The following RNF144B variants were observed in gnomAD, a reference collection of about 807,000 sequenced individuals.
The protein encoded by RNF144B is E3 ubiquitin-protein ligase RNF144B.
A neutral mutation model predicts 40.2 loss-of-function variants in RNF144B; 25 were observed. That is an observed-to-expected ratio of 0.62 (90% confidence interval 0.45 to 0.87). The LOEUF (loss-of-function observed/expected upper bound fraction) is 0.87, where lower values mean the gene tolerates loss of function less well. RNF144B is among the 40% of genes least tolerant of loss of function. RNF144B has a pLI of 0.00. For synonymous variants in RNF144B, 145 were observed against 136.3 expected, an observed-to-expected ratio of 1.06 and a Z score of -0.44; for missense variants, 365 against 373.7, an observed-to-expected ratio of 0.98 and a Z score of 0.19.
At chr6:18,452,051 C>A (rs1759219658) in intron 4 of RNF144B, among the ~76,000 whole-genome samples, 1 of 152,094 alleles carries the variant, frequency 6.6e-6, no homozygotes, top group Non-Finnish European at 1.5e-5. Context: ...ATATGCTGTG[C>A]ACATCTGTTG....
At chr6:18,445,639 A>G (rs759846370) in intron 4 of RNF144B, among the ~76,000 whole-genome samples, 7 of 152,160 alleles carry the variant, frequency 4.6e-5, no homozygotes, top group African/African-American at 1.4e-4. Flanking sequence ...AATCATGTAT[A>G]GTAATATAAA....
At chr6:18,449,058 G>A (rs1399003433) in intron 4 of RNF144B, among the ~76,000 whole-genome samples, 1 of 152,092 alleles carries the variant, frequency 6.6e-6, no homozygotes, top group Admixed American at 6.6e-5. Flanking sequence ...TGTGTTAGAT[G>A]GTTTCTATAG....
intron 2 of RNF144B, among the ~76,000 whole-genome samples, chr6:18,420,487 G>C (rs917744499): frequency 1.2e-4 from 19 of 152,076 alleles, no homozygotes; most frequent in African/African-American, 4.3e-4. Flanking sequence ...TATAGAGGAG[G>C]CAGGCAAGTT....
At position 18,468,851 on chromosome 6, in the gene RNF144B, C is replaced by T. The variant is rs1759626251; in HGVS notation, c.*3784C>T. 2 of 152,192 alleles carry T rather than the reference C, an allele frequency of 1.3e-5. No individual in the cohort carries two copies. Among genetic ancestry groups the T allele is most frequent in the African/African-American group, 4.8e-5 (2 of 41,438 alleles). The allele number at this position is 152,192 out of a possible 1,614,324, so 9.4% of individuals were successfully genotyped here. ...AATAGCTGTTTAGGCTCTCTAGCCACAATAAATGTAAGCAGGAAATCAAGT... is the reference window on the plus strand; with the variant it reads ...AATAGCTGTTTAGGCTCTCTAGCCATAATAAATGTAAGCAGGAAATCAAGT... On this transcript the variant is annotated 3_prime_UTR_variant, in exon 8 of 8. Coordinates refer to ENST00000259939, the MANE Select transcript of RNF144B (RefSeq NM_182757.4).
In RNF144B at chr6:18,458,348, G is replaced by C. The variant is rs777019327; in HGVS notation, c.536+989G>C. Among the ~76,000 whole-genome samples, 6 of 152,128 alleles carry C rather than the reference G, an allele frequency of 3.9e-5. No homozygotes were observed. The highest frequency in any genetic ancestry group is 1.4e-4 in the African/African-American group (6 of 41,416). ...TTCTGCATCAGCAAGAACAAAATACGAGTGTTGTAATCCCATTGGCTTAAT... is the reference window on the plus strand; with the variant it reads ...TTCTGCATCAGCAAGAACAAAATACCAGTGTTGTAATCCCATTGGCTTAAT... On this transcript the variant is annotated intron_variant, in intron 5 of 7. Transcript: ENST00000259939. This position sits in a 1 kb window ranked among gnomAD's most constrained non-coding sequence, Gnocchi z 4.8.
rs1759179760 is a variant in RNF144B at position 18,450,136 on chromosome 6, G to T, written c.332-7019G>T. ...TTGGTTTCTCCTCTTTTTGTGCTGT[G>T]CAAATTCTGCACTTTCCCAGACTTG... On this transcript the variant is annotated intron_variant, in intron 4 of 7. Transcript: ENST00000259939. This position sits in a 1 kb window ranked among gnomAD's most constrained non-coding sequence, Gnocchi z 4.7. 6.6e-6 allele frequency among the ~76,000 whole-genome samples: 1 copy of T among 152,136 alleles called. No individual in the cohort carries two copies. The highest frequency in any genetic ancestry group is 1.5e-5 in the Non-Finnish European group (1 of 68,026).
At chr6:18,417,481 G>C (rs940733644) in intron 2 of RNF144B, among the ~76,000 whole-genome samples, 5 of 152,130 alleles carry the variant, frequency 3.3e-5, no homozygotes, top group African/African-American at 1.2e-4. Context: ...AAAGAGGAAA[G>C]AAATGTTTTT....
intron 2 of RNF144B, among the ~76,000 whole-genome samples, chr6:18,420,110 T>C (rs1795226713): frequency 6.6e-6 from 1 of 151,856 alleles, no homozygotes; most frequent in South Asian, 2.1e-4. Flanking sequence ...GAGTATCCCC[T>C]ATCTCCTTAT....
intron 6 of RNF144B, 97 bp from the exon 7 acceptor site, chr6:18,463,194 A>T: frequency 1.3e-6 from 1 of 755,658 alleles, no homozygotes. Flanking sequence ...ATCACCAGAG[A>T]AAAACTTTGC....
chr6:18,439,143 T>C (rs1224709730), intron 3 of RNF144B, among the ~76,000 whole-genome samples: 1 of 152,204 alleles, frequency 6.6e-6, no homozygotes, highest in Non-Finnish European at 1.5e-5. Context: ...GAGTCTGAGA[T>C]GTCAATGTCC....
At chr6:18,440,600 C>G (rs1352378446) in intron 4 of RNF144B, among the ~76,000 whole-genome samples, 3 of 151,812 alleles carry the variant, frequency 2.0e-5, no homozygotes, top group African/African-American at 7.2e-5. Flanking sequence ...TTGGTCAGTA[C>G]AATTATCTTT....
At position 18,458,541 on chromosome 6, in the gene RNF144B, A is replaced by G. The variant is rs73379247; in HGVS notation, c.537-1066A>G. 0.017 allele frequency among the ~76,000 whole-genome samples: 2,659 copies of G among 152,188 alleles called. 37 individuals are homozygous for G. Among genetic ancestry groups the G allele is most frequent in the Middle Eastern group, 0.027 (8 of 294 alleles). ...CCGGATTCAAACCACTGTTGCCTACATTTTCGTGGCCATAGCAGGAAGCTC... is the reference window on the plus strand; with the variant it reads ...CCGGATTCAAACCACTGTTGCCTACGTTTTCGTGGCCATAGCAGGAAGCTC... On this transcript the variant is annotated intron_variant, in intron 5 of 7. Coordinates refer to ENST00000259939, the MANE Select transcript of RNF144B (RefSeq NM_182757.4). The surrounding 1 kb of genome is among the most constrained non-coding windows in gnomAD (Gnocchi z 4.8).
At position 18,398,954 on chromosome 6, in the gene RNF144B, C is replaced by T. The variant is rs1419397117; in HGVS notation, c.-36-545C>T. ...GTTTGCTCATAGTGATATTTCCCGC[C>T]CCTGACCTTCATTAAGGTATAATTG... On this transcript the variant is annotated intron_variant, in intron 1 of 7. Coordinates refer to ENST00000259939, the MANE Select transcript of RNF144B (RefSeq NM_182757.4). This position sits in a 1 kb window ranked among gnomAD's most constrained non-coding sequence, Gnocchi z 5.0. Among the ~76,000 whole-genome samples the T allele has an allele frequency of 6.6e-6, 1 of 152,062 alleles. No individual in the cohort carries two copies. The highest frequency in any genetic ancestry group is 1.5e-5 in the Non-Finnish European group (1 of 68,034).
At position 18,414,321 on chromosome 6, in the gene RNF144B, T is replaced by G. The variant is rs1795104333; in HGVS notation, c.166-13260T>G. ...TTTAAGGGTTAGGTCTATTCTTAAC[T>G]GATGTCCCTTGTTCCTATCATTCCA... is the stretch of plus-strand genomic sequence containing the variant. On this transcript the variant is annotated intron_variant, in intron 2 of 7. Transcript: ENST00000259939. The surrounding 1 kb of genome is among the most constrained non-coding windows in gnomAD (Gnocchi z 4.9). Among the ~76,000 whole-genome samples the G allele has an allele frequency of 6.6e-6, 1 of 152,212 alleles. No homozygotes were observed. Among genetic ancestry groups the G allele is most frequent in the African/African-American group, 2.4e-5 (1 of 41,454 alleles).
Position 18,437,060 on chromosome 6 carries a change from A to G in RNF144B, c.271-2624A>G, listed in dbSNP as rs535692062. Among the ~76,000 whole-genome samples the G allele has an allele frequency of 2.0e-5, 3 of 152,250 alleles. No homozygotes were observed. In the South Asian group the frequency reaches 6.2e-4, roughly 32 times the overall value. ...CTTTCTAAGTAATTTCAGCCTCTTG[A>G]GTGTAGCTTCTGTATGTCCTGTCTC... On this transcript the variant is annotated intron_variant, in intron 3 of 7. Transcript: ENST00000259939.
Position 18,457,525 on chromosome 6 carries a change from A to G in RNF144B, c.536+166A>G, listed in dbSNP as rs1187482177. ...AGAATTGGTAAGTTGCCAACAAAAA[A>G]GCATTTCTAGTTGTTTGCCCCAGAG... On this transcript the variant is annotated intron_variant, in intron 5 of 7. Transcript: ENST00000259939. This position sits in a 1 kb window ranked among gnomAD's most constrained non-coding sequence, Gnocchi z 5.1. Among the ~76,000 whole-genome samples the G allele has an allele frequency of 6.6e-6, 1 of 152,198 alleles. No homozygotes were observed. Among genetic ancestry groups the G allele is most frequent in the Non-Finnish European group, 1.5e-5 (1 of 68,030 alleles).
Position 18,395,057 on chromosome 6 carries a change from C to T in RNF144B, c.-36-4442C>T, listed in dbSNP as rs1794666976. Among the ~76,000 whole-genome samples, 1 of 152,184 alleles carries T rather than the reference C, an allele frequency of 6.6e-6. No homozygotes were observed. The highest frequency in any genetic ancestry group is 6.5e-5 in the Admixed American group (1 of 15,276). ...TTCAAGGTGCCCCTTGCATTCTCTG[C>T]CAAAATTCTTTTCACAAGGGGTTCT... On this transcript the variant is annotated intron_variant, in intron 1 of 7. Coordinates refer to ENST00000259939, the MANE Select transcript of RNF144B (RefSeq NM_182757.4). This position sits in a 1 kb window ranked among gnomAD's most constrained non-coding sequence, Gnocchi z 4.5.
At chr6:18,461,405 AT>A (rs1379927041) in intron 6 of RNF144B, among the ~76,000 whole-genome samples, 2 of 151,596 alleles carry the variant, frequency 1.3e-5, no homozygotes, top group Non-Finnish European at 2.9e-5. Flanking sequence ...ATGAAAAACA[AT>A]TTTTTTTTGT....
At chr6:18,424,563 T>C (rs1159645543) in intron 2 of RNF144B, among the ~76,000 whole-genome samples, 1 of 152,164 alleles carries the variant, frequency 6.6e-6, no homozygotes, top group Non-Finnish European at 1.5e-5. Context: ...TATAGGAAGT[T>C]TCAAAATTCA....
Sources: allele counts gnomAD v4.1 joint callset (sites outside exome capture counted in the v4.1 genomes callset), GRCh38; gene constraint gnomAD v4.1.1; non-coding constraint Gnocchi (gnomAD v3.1); transcripts MANE v1.5; gene names NCBI Gene and HGNC (gene_info 2026-07-23, HGNC 2026-07-21).